UGT8: variants seen among roughly 807,000 people sequenced by gnomAD.
The protein encoded by UGT8 is UDP glycosyltransferase 8.
In UGT8, 12 loss-of-function variants were observed where a neutral mutation model predicts 40.5. That is an observed-to-expected ratio of 0.30 (90% CI 0.19 to 0.48). The LOEUF (loss-of-function observed/expected upper bound fraction) is 0.48, where lower values mean the gene tolerates loss of function less well. UGT8 is among the 20% of genes least tolerant of loss of function. The pLI, the probability that UGT8 is intolerant of heterozygous loss-of-function variation, is 0.99. For synonymous variants in UGT8, 224 were observed against 240.4 expected, an observed-to-expected ratio of 0.93 and a Z score of 0.63; for missense variants, 513 against 648.7, an observed-to-expected ratio of 0.79 and a Z score of 2.27.
intron 4 of UGT8, chr4:114,667,855 C>T (rs1443837124): frequency 1.2e-6 from 1 of 833,768 alleles, no homozygotes; most frequent in African/African-American, 1.8e-5. Context: ...TAGTAATATA[C>T]ATTTCAACTA....
At chr4:114,660,322 C>T (rs939370198) in intron 2 of UGT8, among the ~76,000 whole-genome samples, 1 of 152,016 alleles carries the variant, frequency 6.6e-6, no homozygotes, top group Middle Eastern at 3.4e-3. Context: ...TCGACAGAGT[C>T]GATATAGACA....
intron 1 of UGT8, among the ~76,000 whole-genome samples, chr4:114,606,913 G>A (rs968137448): frequency 3.9e-5 from 6 of 152,156 alleles, no homozygotes; most frequent in African/African-American, 1.2e-4. Context: ...ACCCCCACAT[G>A]CCTGTGATCC....
At chr4:114,613,415 C>A (rs1459662081) in intron 1 of UGT8, among the ~76,000 whole-genome samples, 1 of 152,026 alleles carries the variant, frequency 6.6e-6, no homozygotes, top group East Asian at 1.9e-4. Context: ...TATTAAACAA[C>A]ATGAAAATGA....
At chr4:114,638,604 T>C (rs919384321) in intron 2 of UGT8, among the ~76,000 whole-genome samples, 1 of 152,232 alleles carries the variant, frequency 6.6e-6, no homozygotes, top group South Asian at 2.1e-4. Flanking sequence ...CACTGTACAC[T>C]GTCACTTTTA....
chr4:114,660,675 G>A (rs1280389395), intron 2 of UGT8, among the ~76,000 whole-genome samples: 2 of 152,036 alleles, frequency 1.3e-5, no homozygotes, highest in East Asian at 3.9e-4. Flanking sequence ...GGCAGATCAC[G>A]AGGTCAGGAG....
intron 1 of UGT8, among the ~76,000 whole-genome samples, chr4:114,604,989 T>C (rs527900657): frequency 6.6e-6 from 1 of 152,160 alleles, no homozygotes; most frequent in African/African-American, 2.4e-5. Flanking sequence ...TCTAAGCAGG[T>C]GATTTTCAGT....
chr4:114,667,070 GA>G (rs1734931207), intron 4 of UGT8, among the ~76,000 whole-genome samples: 1 of 152,072 alleles, frequency 6.6e-6, no homozygotes, highest in Non-Finnish European at 1.5e-5. Context: ...AATAAAGTTT[GA>G]AATCCACTTC....
intron 2 of UGT8, among the ~76,000 whole-genome samples, chr4:114,632,307 T>C (rs571406185): frequency 3.3e-5 from 5 of 152,338 alleles, no homozygotes; most frequent in African/African-American, 1.2e-4. Flanking sequence ...TGTCTTCCTT[T>C]GTCCTAAAAC....
intron 2 of UGT8, among the ~76,000 whole-genome samples, chr4:114,641,861 A>G (rs1018936193): frequency 1.3e-5 from 2 of 152,208 alleles, no homozygotes; most frequent in Admixed American, 1.3e-4. Flanking sequence ...CAGAAAAAGG[A>G]AAAGTTGGTA....
At chr4:114,656,638 G>A (rs1734202895) in intron 2 of UGT8, 1 of 325,002 alleles carries the variant, frequency 3.1e-6, no homozygotes, top group Non-Finnish European at 6.2e-6. Context: ...AAGTGTGGTA[G>A]GTGCCCTGTT....
chr4:114,661,287 G>C (rs1186234915), intron 2 of UGT8, among the ~76,000 whole-genome samples: 1 of 151,928 alleles, frequency 6.6e-6, no homozygotes, highest in Non-Finnish European at 1.5e-5. Context: ...GTGTGTGTGC[G>C]TGTGTGTGTG....
chr4:114,677,096 A>G lies in UGT8; in HGVS notation c.*808A>G, dbSNP rs1202119558. 2 of 152,174 alleles carry G rather than the reference A, an allele frequency of 1.3e-5. No individual in the cohort carries two copies. Among genetic ancestry groups the G allele is most frequent in the Non-Finnish European group, 2.9e-5 (2 of 68,024 alleles). The allele number at this position is 152,174 out of a possible 1,614,324, so 9.4% of individuals were successfully genotyped here. On this transcript the variant is annotated 3_prime_UTR_variant, in exon 6 of 6. Transcript: ENST00000310836. ...TTCTATTTCATTTTAATGAGTAACA[A>G]TATGTTAAATGCATAATTAAGACAA...
At chr4:114,633,033 CTT>C (rs1257751098) in intron 2 of UGT8, among the ~76,000 whole-genome samples, 2 of 152,006 alleles carry the variant, frequency 1.3e-5, no homozygotes, top group Non-Finnish European at 2.9e-5. Context: ...ACCGACTTGA[CTT>C]TTTTTTCACT....
chr4:114,668,029 A>G (rs1734999559), intron 4 of UGT8, 56 bp from the exon 5 acceptor site: 3 of 1,574,444 alleles, frequency 1.9e-6, no homozygotes, highest in Non-Finnish European at 1.7e-6. Flanking sequence ...TTCTGGGAAA[A>G]TCTCTTCTGT....
At chr4:114,673,334 A>G (rs1032147709) in intron 5 of UGT8, among the ~76,000 whole-genome samples, 5 of 152,212 alleles carry the variant, frequency 3.3e-5, no homozygotes, top group African/African-American at 9.6e-5. Context: ...GTTCTCCAAT[A>G]TTCCTTTCCA....
Position 114,665,300 on chromosome 4 carries a change from G to A in UGT8, c.966-380G>A, listed in dbSNP as rs932433389. 4 of 771,376 alleles carry A rather than the reference G, an allele frequency of 5.2e-6. No individual in the cohort carries two copies. In the Admixed American group the frequency reaches 1.9e-4, roughly 36 times the overall value. 47.8% of individuals were successfully genotyped at this position (771,376 alleles called of 1,614,324 possible). Reference sequence around the variant, plus strand: ...GGATTTAGGGATATTGACTGCCATAGCAGTGGCAGCTCTCCCTGCTCCTTC... The same window carrying A: ...GGATTTAGGGATATTGACTGCCATAACAGTGGCAGCTCTCCCTGCTCCTTC... On this transcript the variant is annotated intron_variant, in intron 3 of 5. Transcript: ENST00000310836.
At chr4:114,609,686 G>T (rs1230138975) in intron 1 of UGT8, among the ~76,000 whole-genome samples, 1 of 152,058 alleles carries the variant, frequency 6.6e-6, no homozygotes, top group East Asian at 1.9e-4. Context: ...TTGGTTGTTT[G>T]TCCAGCCTCT....
rs916668487 is a variant in UGT8 at position 114,616,476 on chromosome 4, C to T, written c.-2-6403C>T. 3.3e-5 allele frequency among the ~76,000 whole-genome samples: 5 copies of T among 152,252 alleles called. No individual in the cohort carries two copies. In the East Asian group the frequency reaches 7.7e-4, roughly 24 times the overall value. ...GTGCAGTATTAGGGTGGGAGTGACC[C>T]GATTTTCCAGGTGCCTTCTGTCACC... On this transcript the variant is annotated intron_variant, in intron 1 of 5. Transcript: ENST00000310836.
At chr4:114,622,786 C>G in intron 1 of UGT8, 93 bp from the exon 2 acceptor site, 1 of 1,138,536 alleles carries the variant, frequency 8.8e-7, no homozygotes, top group Non-Finnish European at 1.2e-6. Flanking sequence ...AGTATTAGAT[C>G]AGATATTTTT....
Sources: gnomAD v4.1 joint callset for allele counts (sites outside exome capture counted in the v4.1 genomes callset) on GRCh38, gnomAD v4.1.1 for gene constraint, MANE v1.5 for transcripts, NCBI Gene and HGNC (gene_info 2026-07-23, HGNC 2026-07-21) for gene names.